The following WDR88 variants were observed in gnomAD, a reference collection of about 807,000 sequenced individuals.
WDR88 encodes the protein WD repeat domain 88.
A neutral mutation model predicts 46.8 loss-of-function variants in WDR88; 40 were observed. The ratio of observed to expected loss-of-function variants is 0.86; its 90% CI spans 0.66 to 1.11. WDR88 has a LOEUF of 1.11. Among genes scored for constraint, WDR88 ranks in the 50% most tolerant of loss-of-function variants. WDR88 has a pLI of 0.00. For synonymous variants in WDR88, 235 were observed against 240.7 expected, an observed-to-expected ratio of 0.98 and a Z score of 0.22; for missense variants, 562 against 602.4, an observed-to-expected ratio of 0.93 and a Z score of 0.70.
Position 33,163,713 on chromosome 19 carries a change from C to T in WDR88, c.1081-484C>T, listed in dbSNP as rs529000590. ...AGTGCATGATCATGACTCACTGCAG[C>T]CTCAACCTCCCCGGGCTCCGGTGAC... On this transcript the variant is annotated intron_variant, in intron 8 of 10. Transcript: ENST00000355868. Among the ~76,000 whole-genome samples, 381 of 151,242 alleles carry T rather than the reference C, an allele frequency of 2.5e-3. 2 individuals carry two copies. The highest frequency in any genetic ancestry group is 8.5e-3 in the African/African-American group (349 of 41,154).
Position 33,160,503 on chromosome 19 carries a change from G to A in WDR88, c.1080+7G>A, listed in dbSNP as rs1295847305. 1 of 1,614,128 alleles carries A rather than the reference G, an allele frequency of 6.2e-7. No individual in the cohort carries two copies. Among genetic ancestry groups the A allele is most frequent in the Non-Finnish European group, 8.5e-7 (1 of 1,179,974 alleles). ...CCGGAAGCTCTCTTTGAAGGTACAT[G>A]TGGCCAGCATGAGATTGAGGATCTG... On this transcript the variant is annotated splice_region_variant and intron_variant, in intron 8 of 10. Coordinates refer to ENST00000355868, the MANE Select transcript of WDR88 (RefSeq NM_173479.4).
chr19:33,148,475 C>T (rs1973564411), intron 4 of WDR88, among the ~76,000 whole-genome samples: 1 of 152,196 alleles, frequency 6.6e-6, no homozygotes, highest in South Asian at 2.1e-4. Context: ...CTTGCAAGCT[C>T]TGTCACCCAG....
chr19:33,172,555 C>A, intron 10 of WDR88, 115 bp downstream of exon 10: 1 of 862,048 alleles, frequency 1.2e-6, no homozygotes. Flanking sequence ...AACAAACAGA[C>A]TGACATTTTT....
chr19:33,160,410 G>C lies in WDR88; in HGVS notation c.998-4G>C, dbSNP rs1204841571. The C allele has an allele frequency of 1.2e-6, 2 of 1,614,030 alleles. No homozygotes were observed. The highest frequency in any genetic ancestry group is 1.7e-6 in the Non-Finnish European group (2 of 1,180,034). ...CATCTCCACCCTTTCATTTTCTGTT[G>C]CAGGCTCTTTTCTCATTTCTGGAGG... On this transcript the variant is annotated splice_polypyrimidine_tract_variant and splice_region_variant and intron_variant, in intron 7 of 10. Coordinates refer to ENST00000355868, the MANE Select transcript of WDR88 (RefSeq NM_173479.4).
intron 9 of WDR88, among the ~76,000 whole-genome samples, chr19:33,164,762 C>CT (rs1367243066): frequency 6.6e-6 from 1 of 152,064 alleles, no homozygotes; most frequent in East Asian, 1.9e-4. Flanking sequence ...AGTCCCCAAC[C>CT]TTTTTGGCAC....
At chr19:33,142,534 G>T (rs146837107) in intron 2 of WDR88, among the ~76,000 whole-genome samples, 23 of 152,086 alleles carry the variant, frequency 1.5e-4, no homozygotes, top group African/African-American at 5.1e-4. Context: ...GATGGGGCAT[G>T]GAACAGGCAG....
rs184805690 is a variant in WDR88, at chr19:33,170,363, G to A, written c.1150-1985G>A. ...CTGGCTAATTTTTTGTATTTTTAGC[G>A]GAGGCGGGGTTTTCCCATGTTGCCC... On this transcript the variant is annotated intron_variant, in intron 9 of 10. Coordinates refer to ENST00000355868, the MANE Select transcript of WDR88 (RefSeq NM_173479.4). 4.5e-3 allele frequency among the ~76,000 whole-genome samples: 686 copies of A among 151,738 alleles called. 7 individuals are homozygous for A. Among genetic ancestry groups the A allele is most frequent in the African/African-American group, 0.015 (640 of 41,336 alleles).
At chr19:33,154,993 C>A (rs1249799355) in intron 6 of WDR88, among the ~76,000 whole-genome samples, 1 of 152,130 alleles carries the variant, frequency 6.6e-6, no homozygotes. Context: ...ATGATCCAGG[C>A]TACTCAGAGA....
intron 6 of WDR88, among the ~76,000 whole-genome samples, chr19:33,154,261 G>A (rs935774102): frequency 2.6e-5 from 4 of 151,910 alleles, no homozygotes; most frequent in Admixed American, 2.6e-4. Context: ...GAATGTGCAG[G>A]TTTGTTACAT....
chr19:33,147,612 A>G, intron 3 of WDR88, 33 bp from the exon 4 acceptor site: 1 of 1,609,842 alleles, frequency 6.2e-7, no homozygotes, highest in Non-Finnish European at 8.5e-7. Context: ...CAAAAAAAAG[A>G]ACCAGTGTTC....
At chr19:33,152,692 C>A (rs1973659125) in intron 6 of WDR88, among the ~76,000 whole-genome samples, 1 of 152,014 alleles carries the variant, frequency 6.6e-6, no homozygotes, top group Non-Finnish European at 1.5e-5. Context: ...ACCTCTGCCT[C>A]CTGGGTTCAA....
At chr19:33,173,188 T>TG (rs1372006003) in intron 10 of WDR88, among the ~76,000 whole-genome samples, 1 of 148,634 alleles carries the variant, frequency 6.7e-6, no homozygotes. Flanking sequence ...GGAGCCAGCC[T>TG]GGTGCATCGG....
At chr19:33,154,467 G>A (rs112566874) in intron 6 of WDR88, among the ~76,000 whole-genome samples, 3 of 152,048 alleles carry the variant, frequency 2.0e-5, no homozygotes, top group African/African-American at 7.2e-5. Flanking sequence ...GAATGAGAAC[G>A]TGTGGTGTTT....
At position 33,150,290 on chromosome 19, in the gene WDR88, A is replaced by G. The variant is rs572646061; in HGVS notation, c.680-891A>G. 4.6e-5 allele frequency among the ~76,000 whole-genome samples: 7 copies of G among 152,108 alleles called. 1 individual carries two copies. The highest frequency in any genetic ancestry group is 1.7e-4 in the African/African-American group (7 of 41,534). On this transcript the variant is annotated intron_variant, in intron 5 of 10. Transcript: ENST00000355868. ...AACATGGTGAAACCCTGTCTCTACT[A>G]AAAATACAAAAATTAGCCGGGCGTG...
chr19:33,171,690 G>A (rs1160779663), intron 9 of WDR88, among the ~76,000 whole-genome samples: 1 of 141,428 alleles, frequency 7.1e-6, no homozygotes, highest in Non-Finnish European at 1.5e-5. Context: ...TAAGGTCCAT[G>A]GTTTTATAGT....
At chr19:33,134,396 T>C (rs1973206932) in intron 1 of WDR88, among the ~76,000 whole-genome samples, 1 of 152,148 alleles carries the variant, frequency 6.6e-6, no homozygotes, top group Admixed American at 6.6e-5. Context: ...TCTCGCCATG[T>C]TGCCCAGGCT....
At chr19:33,149,123 C>T (rs1973579661) in intron 5 of WDR88, among the ~76,000 whole-genome samples, 1 of 152,112 alleles carries the variant, frequency 6.6e-6, no homozygotes, top group Non-Finnish European at 1.5e-5. Flanking sequence ...AGTTTGAGAC[C>T]AGCCTGGGCA....
Position 33,141,227 on chromosome 19 carries a change from G to GTTTTT in WDR88, c.387+3449_387+3453dup, listed in dbSNP as rs745987290. Among the ~76,000 whole-genome samples, 472 of 113,344 alleles carry GTTTTT rather than the reference G, an allele frequency of 4.2e-3. 69 individuals are homozygous for GTTTTT. Among genetic ancestry groups the GTTTTT allele is most frequent in the African/African-American group, 0.014 (347 of 24,440 alleles). The allele number at this position is 113,344 out of a possible 152,430, so 74.4% of individuals were successfully genotyped here. A position where few individuals can be genotyped will look rare whatever the true frequency, so the allele number is the denominator to read the frequency against. On this transcript the variant is annotated intron_variant, in intron 2 of 10. Coordinates refer to ENST00000355868, the MANE Select transcript of WDR88 (RefSeq NM_173479.4). ...GCTGGGATTACAGGTGTGGGAGCAT[G>GTTTTT]TTTTTTTTTTTTTCTTTTTTGACAC...
intron 1 of WDR88, among the ~76,000 whole-genome samples, chr19:33,136,828 C>T (rs1973276740): frequency 6.6e-6 from 1 of 152,186 alleles, no homozygotes; most frequent in African/African-American, 2.4e-5. Flanking sequence ...CCGCCTGCTT[C>T]AGCCTCCCAA....
Sources: gnomAD v4.1 joint callset for allele counts (sites outside exome capture counted in the v4.1 genomes callset) on GRCh38, gnomAD v4.1.1 for gene constraint, MANE v1.5 for transcripts, NCBI Gene and HGNC (gene_info 2026-07-23, HGNC 2026-07-21) for gene names.